The following DISC1 variants were observed in gnomAD, a reference collection of about 807,000 sequenced individuals.
DISC1 encodes disrupted in schizophrenia 1 protein.
DISC1 carries 57 observed loss-of-function variants against 84.5 expected under a neutral mutation model. The observed-to-expected ratio is 0.67, with a 90% CI of 0.55 to 0.84. The LOEUF is 0.84. Among genes scored for constraint, DISC1 ranks in the 40% least tolerant of loss-of-function variants. The pLI, the probability that DISC1 is intolerant of heterozygous loss-of-function variation, is 0.00. For missense variants in DISC1, 1,000 were observed against 1,057.8 expected, an observed-to-expected ratio of 0.95 and a Z score of 0.76; for synonymous variants, 411 against 415.2, an observed-to-expected ratio of 0.99 and a Z score of 0.12.
chr1:231,947,052 T>C (rs1333898596), intron 9 of DISC1, among the ~76,000 whole-genome samples: 1 of 152,192 alleles, frequency 6.6e-6, no homozygotes, highest in Non-Finnish European at 1.5e-5. Context: ...ATAGATTCAA[T>C]GCTATCCCCA....
chr1:231,755,058 A>G (rs1238908762), intron 4 of DISC1, among the ~76,000 whole-genome samples: 1 of 152,194 alleles, frequency 6.6e-6, no homozygotes, highest in Non-Finnish European at 1.5e-5. Context: ...TTATTCTGCT[A>G]TGTATCATGG....
intron 3 of DISC1, among the ~76,000 whole-genome samples, chr1:231,737,694 AC>A (rs1286902086): frequency 6.6e-6 from 1 of 152,224 alleles, no homozygotes; most frequent in Non-Finnish European, 1.5e-5. Context: ...TTTTAAAAAA[AC>A]AACATATTTT....
At chr1:231,716,958 A>T (rs1195672515) in intron 3 of DISC1, among the ~76,000 whole-genome samples, 1 of 152,162 alleles carries the variant, frequency 6.6e-6, no homozygotes, top group Non-Finnish European at 1.5e-5. Context: ...AAAAATCAAT[A>T]TCAAATCCAC....
intron 3 of DISC1, among the ~76,000 whole-genome samples, chr1:231,725,123 G>A (rs1021895253): frequency 6.6e-6 from 1 of 152,132 alleles, no homozygotes; most frequent in Non-Finnish European, 1.5e-5. Flanking sequence ...AGCCCTCGCT[G>A]TGCAGCAACC....
At chr1:231,996,208 T>A (rs187026450) in intron 10 of DISC1, among the ~76,000 whole-genome samples, 4,819 of 152,228 alleles carry the variant, frequency 0.032, 251 homozygotes, top group African/African-American at 0.11. Context: ...TTCTTGTAAA[T>A]TTGTTTGTGT....
chr1:231,679,754 T>C (rs1558312904), intron 1 of DISC1, among the ~76,000 whole-genome samples: 2 of 152,222 alleles, frequency 1.3e-5, no homozygotes, highest in Non-Finnish European at 1.5e-5. Context: ...TTAAACATCC[T>C]AAGTTTTCCC....
intron 1 of DISC1, among the ~76,000 whole-genome samples, chr1:231,665,542 T>C (rs559423164): frequency 6.6e-6 from 1 of 152,376 alleles, no homozygotes; most frequent in African/African-American, 2.4e-5. Context: ...ACAATATCAA[T>C]AAGTAAAGTA....
intron 6 of DISC1, among the ~76,000 whole-genome samples, chr1:231,784,187 C>T (rs1052258206): frequency 7.9e-5 from 12 of 151,414 alleles, no homozygotes; most frequent in South Asian, 4.2e-4. Flanking sequence ...CGCTTGAACC[C>T]GGGAGGCAGA....
intron 9 of DISC1, among the ~76,000 whole-genome samples, chr1:231,922,808 T>C (rs2090089783): frequency 6.6e-6 from 1 of 152,160 alleles, no homozygotes; most frequent in Admixed American, 6.5e-5. Context: ...AAGGATGCTC[T>C]CCAGCAGGCG....
intron 3 of DISC1, chr1:231,702,677 C>A: frequency 1.1e-6 from 1 of 898,448 alleles, no homozygotes; most frequent in Non-Finnish European, 1.3e-6. Context: ...TAAAATGAGG[C>A]ACCAAAATAG....
chr1:231,780,404 A>C (rs539074293), intron 6 of DISC1, among the ~76,000 whole-genome samples: 2 of 152,146 alleles, frequency 1.3e-5, no homozygotes, highest in Non-Finnish European at 2.9e-5. Flanking sequence ...TTAACACATG[A>C]AAAAATGCTC....
At chr1:231,771,290 G>A in intron 6 of DISC1, 1 of 984,100 alleles carries the variant, frequency 1.0e-6, no homozygotes, top group Non-Finnish European at 1.2e-6. Context: ...CCCACTAAAT[G>A]CCAGCGACCC....
intron 9 of DISC1, among the ~76,000 whole-genome samples, chr1:231,831,649 G>T (rs547320690): frequency 8.1e-6 from 1 of 124,144 alleles, no homozygotes; most frequent in Non-Finnish European, 1.7e-5. Flanking sequence ...AAGTAAAGCC[G>T]CCTTGAGCAG....
rs2058606155 is a variant in DISC1 at position 231,630,252 on chromosome 1, G to A, written c.67+3318G>A. On this transcript the variant is annotated intron_variant, in intron 1 of 12. Coordinates refer to ENST00000439617, the MANE Select transcript of DISC1 (RefSeq NM_018662.3). This position sits in a 1 kb window ranked among gnomAD's most constrained non-coding sequence, Gnocchi z 4.4. ...CCCTTTAAACAAGATTTAAAGACCA[G>A]CACACAAAGTTTCTGAGTACAAAAA... Among the ~76,000 whole-genome samples, 1 of 152,094 alleles carries A rather than the reference G, an allele frequency of 6.6e-6. No individual in the cohort carries two copies. Among genetic ancestry groups the A allele is most frequent in the Non-Finnish European group, 1.5e-5 (1 of 68,010 alleles).
At chr1:231,889,115 A>C (rs1236476069) in intron 9 of DISC1, among the ~76,000 whole-genome samples, 2 of 152,168 alleles carry the variant, frequency 1.3e-5, no homozygotes, top group African/African-American at 4.8e-5. Flanking sequence ...TGTGGATTTC[A>C]GTAAGTAGAG....
chr1:231,757,744 C>G (rs1344048166), intron 4 of DISC1, among the ~76,000 whole-genome samples: 1 of 152,150 alleles, frequency 6.6e-6, no homozygotes, highest in African/African-American at 2.4e-5. Context: ...TCAGGCCACC[C>G]TATAATAGAC....
chr1:231,627,229 C>G (rs974156856), intron 1 of DISC1, among the ~76,000 whole-genome samples: 1 of 152,280 alleles, frequency 6.6e-6, no homozygotes, highest in African/African-American at 2.4e-5. Context: ...GCCCCCGCTG[C>G]GTGTCCAGGT....
intron 3 of DISC1, among the ~76,000 whole-genome samples, chr1:231,711,554 GA>G (rs2067850696): frequency 6.6e-6 from 1 of 150,702 alleles, no homozygotes; most frequent in Non-Finnish European, 1.5e-5. Flanking sequence ...ATTTTTAATA[GA>G]GACGGGGTTT....
At chr1:231,967,744 G>A (rs561882419) in intron 10 of DISC1, among the ~76,000 whole-genome samples, 23 of 152,290 alleles carry the variant, frequency 1.5e-4, no homozygotes, top group African/African-American at 5.3e-4. Flanking sequence ...ACAAAGTTAA[G>A]TGAAATCATT....
Sources: gnomAD v4.1 joint callset for allele counts (sites outside exome capture counted in the v4.1 genomes callset) on GRCh38, gnomAD v4.1.1 for gene constraint, Gnocchi (gnomAD v3.1) non-coding constraint, MANE v1.5 for transcripts, NCBI Gene and HGNC (gene_info 2026-07-23, HGNC 2026-07-21) for gene names.